Variants in PHACTR1 observed in about 807,000 individuals in gnomAD.
PHACTR1 encodes phosphatase and actin regulator 1.
PHACTR1 carries 16 observed loss-of-function variants against 69.2 expected under a neutral mutation model. The observed-to-expected ratio is 0.23, with a 90% confidence interval of 0.16 to 0.35. The LOEUF is 0.35. Among genes scored for constraint, PHACTR1 ranks in the 10% least tolerant of loss-of-function variants. The pLI, the probability that PHACTR1 is intolerant of heterozygous loss-of-function variation, is 1.00. For synonymous variants in PHACTR1, 312 were observed against 284.5 expected (o/e 1.10, Z -0.97); for missense variants, 510 against 734.7 (o/e 0.69, Z 3.54).
rs373475742 is a variant in PHACTR1 at position 13,252,327 on chromosome 6, CAA to C, written c.1392-20518_1392-20517del. 5.4e-3 allele frequency among the ~76,000 whole-genome samples: 442 copies of C among 82,574 alleles called. 2 individuals are homozygous for C. The highest frequency in any genetic ancestry group is 0.014 in the African/African-American group (411 of 29,152). The allele number at this position is 82,574 out of a possible 152,430, so 54.2% of individuals were successfully genotyped here. A position where few individuals can be genotyped will look rare whatever the true frequency, so the allele number is the denominator to read the frequency against. ...TGAGCAACGGAGCAAGATCCTGTCT[CAA>C]AAAAAAAAAAAAAAGAAAAAGGAAA... On this transcript the variant is annotated intron_variant, in intron 10 of 14. Coordinates refer to ENST00000332995, the MANE Select transcript of PHACTR1 (RefSeq NM_030948.6).
chr6:13,024,115 C>T (rs1266233532), intron 4 of PHACTR1, among the ~76,000 whole-genome samples: 1 of 150,954 alleles, frequency 6.6e-6, no homozygotes, highest in African/African-American at 2.4e-5. Context: ...GCCTACCAGA[C>T]TCAGTTGCAT....
intron 10 of PHACTR1, among the ~76,000 whole-genome samples, chr6:13,257,449 C>A (rs1272576538): frequency 6.6e-6 from 1 of 152,172 alleles, no homozygotes; most frequent in Non-Finnish European, 1.5e-5. Flanking sequence ...CTTTCTAATT[C>A]CCACCCATCC....
intron 5 of PHACTR1, among the ~76,000 whole-genome samples, chr6:13,153,423 A>G (rs930595670): frequency 2.6e-5 from 4 of 152,222 alleles, no homozygotes; most frequent in African/African-American, 9.6e-5. Flanking sequence ...CAAGTGAGAT[A>G]TGCGAAATCT....
chr6:12,947,871 C>A (rs1441465093), intron 4 of PHACTR1, among the ~76,000 whole-genome samples: 2 of 152,194 alleles, frequency 1.3e-5, no homozygotes, highest in East Asian at 1.9e-4. Flanking sequence ...ATCACTTCTG[C>A]TTTCTTCACA....
At chr6:12,822,370 C>T (rs757715651) in intron 4 of PHACTR1, among the ~76,000 whole-genome samples, 12 of 152,108 alleles carry the variant, frequency 7.9e-5, no homozygotes, top group Non-Finnish European at 1.5e-4. Flanking sequence ...GGGGAGACCA[C>T]GAGGAGCCAT....
intron 4 of PHACTR1, among the ~76,000 whole-genome samples, chr6:12,970,054 T>C (rs775899689): frequency 2.6e-5 from 4 of 152,226 alleles, no homozygotes; most frequent in Non-Finnish European, 5.9e-5. Context: ...AATGTAGTAT[T>C]GCTTCTGCGA....
chr6:13,196,739 C>T (rs913719699), intron 7 of PHACTR1, among the ~76,000 whole-genome samples: 3 of 152,180 alleles, frequency 2.0e-5, no homozygotes, highest in South Asian at 2.1e-4. Flanking sequence ...GTTTTCAATA[C>T]CGATGTAGTG....
intron 3 of PHACTR1, chr6:12,749,336 G>T: frequency 2.2e-6 from 1 of 455,458 alleles, no homozygotes; most frequent in Admixed American, 2.8e-5. Context: ...CTGGCCCCTC[G>T]GCCCTGTGGC....
intron 5 of PHACTR1, among the ~76,000 whole-genome samples, chr6:13,142,776 C>T (rs1822694869): frequency 6.6e-6 from 1 of 151,408 alleles, no homozygotes; most frequent in Non-Finnish European, 1.5e-5. Context: ...GTTTTTATGC[C>T]AGTACCATAC....
chr6:12,886,079 G>T (rs1009341445), intron 4 of PHACTR1, among the ~76,000 whole-genome samples: 1 of 152,048 alleles, frequency 6.6e-6, no homozygotes, highest in Admixed American at 6.5e-5. Context: ...TGGGTGACAG[G>T]GTGAGACTCC....
chr6:13,118,258 A>G (rs1235799846), intron 5 of PHACTR1, among the ~76,000 whole-genome samples: 1 of 152,172 alleles, frequency 6.6e-6, no homozygotes, highest in Non-Finnish European at 1.5e-5. Flanking sequence ...CCTAGGTTTC[A>G]TGGATGTATG....
At chr6:13,017,649 A>G (rs778663522) in intron 4 of PHACTR1, among the ~76,000 whole-genome samples, 8 of 152,178 alleles carry the variant, frequency 5.3e-5, no homozygotes, top group Non-Finnish European at 7.4e-5. Flanking sequence ...CTAGAAAGTG[A>G]AGTATTTTCT....
chr6:13,276,001 T>A (rs1360219416), intron 11 of PHACTR1: 2 of 152,178 alleles, frequency 1.3e-5, no homozygotes, highest in African/African-American at 2.4e-5. Context: ...TGTCACTGTC[T>A]GGGGGCTCCC....
At chr6:12,768,238 C>A (rs549112427) in intron 4 of PHACTR1, among the ~76,000 whole-genome samples, 1 of 151,906 alleles carries the variant, frequency 6.6e-6, no homozygotes, top group East Asian at 1.9e-4. Flanking sequence ...CCTCAGCCTC[C>A]GGAGAAGCTG....
chr6:13,000,428 G>A (rs1003941564), intron 4 of PHACTR1, among the ~76,000 whole-genome samples: 2 of 152,040 alleles, frequency 1.3e-5, no homozygotes, highest in Non-Finnish European at 2.9e-5. Flanking sequence ...CACATCTGTG[G>A]TCCCAGCTAC....
intron 4 of PHACTR1, among the ~76,000 whole-genome samples, chr6:13,023,746 A>G (rs1801309238): frequency 6.6e-6 from 1 of 152,230 alleles, no homozygotes; most frequent in African/African-American, 2.4e-5. Flanking sequence ...AGGGGAAAGC[A>G]AAAGTGAATG....
chr6:12,815,354 G>C (rs1365615943), intron 4 of PHACTR1, among the ~76,000 whole-genome samples: 2 of 151,944 alleles, frequency 1.3e-5, no homozygotes, highest in African/African-American at 2.4e-5. Context: ...TCTCTGTTGA[G>C]AACCTCATAC....
chr6:13,162,836 G>T (rs1034905474), intron 6 of PHACTR1, among the ~76,000 whole-genome samples: 1 of 152,068 alleles, frequency 6.6e-6, no homozygotes, highest in Non-Finnish European at 1.5e-5. Context: ...CAGACTGTTG[G>T]TGCCCCAAGT....
At chr6:12,838,488 T>C (rs1039601709) in intron 4 of PHACTR1, among the ~76,000 whole-genome samples, 3 of 152,184 alleles carry the variant, frequency 2.0e-5, no homozygotes, top group Non-Finnish European at 4.4e-5. Context: ...TAGAATTTCA[T>C]AGAAATAAAA....
Sources: allele counts gnomAD v4.1 joint callset (sites outside exome capture counted in the v4.1 genomes callset), GRCh38; gene constraint gnomAD v4.1.1; transcripts MANE v1.5; gene names NCBI Gene and HGNC (gene_info 2026-07-23, HGNC 2026-07-21).